SUCLG2: variants seen among roughly 807,000 people sequenced by gnomAD.
SUCLG2 encodes the protein succinate--CoA ligase [GDP-forming] subunit beta, mitochondrial.
SUCLG2 carries 42 observed loss-of-function variants against 47.9 expected under a neutral mutation model. That is an observed-to-expected ratio of 0.88 (90% confidence interval 0.69 to 1.14). The LOEUF is 1.14. Ranked by LOEUF, SUCLG2 falls within the 50% of genes most tolerant of loss-of-function variation. SUCLG2 has a pLI of 0.00. For missense variants in SUCLG2, 571 were observed against 525.9 expected, an observed-to-expected ratio of 1.09 and a Z score of -0.84; for synonymous variants, 195 against 197.3, an observed-to-expected ratio of 0.99 and a Z score of 0.10.
At chr3:67,552,750 T>C (rs1418228791) in intron 2 of SUCLG2, among the ~76,000 whole-genome samples, 1 of 152,354 alleles carries the variant, frequency 6.6e-6, no homozygotes, top group East Asian at 1.9e-4. Context: ...AATTCAAGGA[T>C]GCAATCTATG....
At chr3:67,459,020 T>A (rs1704259783) in intron 9 of SUCLG2, among the ~76,000 whole-genome samples, 1 of 152,140 alleles carries the variant, frequency 6.6e-6, no homozygotes, top group Non-Finnish European at 1.5e-5. Flanking sequence ...TGTTATGTGG[T>A]CAATCAAATC....
At chr3:67,472,518 G>A (rs1039930117) in intron 9 of SUCLG2, among the ~76,000 whole-genome samples, 1 of 152,100 alleles carries the variant, frequency 6.6e-6, no homozygotes, top group African/African-American at 2.4e-5. Context: ...TTACCCAACT[G>A]TCACTATTAC....
intron 9 of SUCLG2, among the ~76,000 whole-genome samples, chr3:67,448,203 G>A (rs1251959631): frequency 6.6e-6 from 1 of 151,986 alleles, no homozygotes; most frequent in Admixed American, 6.6e-5. Context: ...CATCAAGATG[G>A]GACTTGGTAA....
chr3:67,481,316 C>T (rs1421615960), intron 9 of SUCLG2, among the ~76,000 whole-genome samples: 1 of 152,212 alleles, frequency 6.6e-6, no homozygotes, highest in East Asian at 1.9e-4. Context: ...CACACACTTT[C>T]GAGCATTACT....
intron 10 of SUCLG2, among the ~76,000 whole-genome samples, chr3:67,393,491 G>A (rs1052062864): frequency 6.6e-5 from 10 of 152,220 alleles, no homozygotes; most frequent in South Asian, 2.1e-4. Context: ...CATGGCCCAG[G>A]CTTGCTTACG....
intron 9 of SUCLG2, among the ~76,000 whole-genome samples, chr3:67,480,923 G>A (rs1704897298): frequency 6.6e-6 from 1 of 152,154 alleles, no homozygotes; most frequent in African/African-American, 2.4e-5. Context: ...GAAGATTCAT[G>A]GAAAAGCAGG....
downstream of SUCLG2, among the ~76,000 whole-genome samples, chr3:67,373,972 A>G (rs2106753130): frequency 6.6e-6 from 1 of 152,358 alleles, no homozygotes; most frequent in Non-Finnish European, 1.5e-5. Flanking sequence ...CTTTTATGAA[A>G]TAATCACAAA....
intron 2 of SUCLG2, among the ~76,000 whole-genome samples, chr3:67,558,374 T>G (rs1020224987): frequency 2.7e-5 from 4 of 149,980 alleles, no homozygotes; most frequent in South Asian, 2.1e-4. Flanking sequence ...ACAGAGAAAA[T>G]TGAAATTTGA....
At chr3:67,560,568 T>C (rs546405940) in intron 2 of SUCLG2, among the ~76,000 whole-genome samples, 1 of 152,282 alleles carries the variant, frequency 6.6e-6, no homozygotes, top group South Asian at 2.1e-4. Flanking sequence ...CACAGCATTG[T>C]GGTGGGGGTT....
intron 1 of SUCLG2, among the ~76,000 whole-genome samples, chr3:67,647,326 C>T (rs771615025): frequency 9.2e-5 from 14 of 152,088 alleles, no homozygotes; most frequent in Non-Finnish European, 1.3e-4. Flanking sequence ...ATGGCTACTG[C>T]CTAAGTCCTA....
intron 9 of SUCLG2, among the ~76,000 whole-genome samples, chr3:67,402,127 G>A (rs565688137): frequency 7.6e-4 from 116 of 152,324 alleles, no homozygotes; most frequent in Non-Finnish European, 1.3e-3. Context: ...GACCTTGGTC[G>A]AGTTACAGAA....
chr3:67,397,558 T>C (rs1559510973), intron 10 of SUCLG2, among the ~76,000 whole-genome samples: 4 of 152,148 alleles, frequency 2.6e-5, no homozygotes, highest in Admixed American at 2.6e-4. Flanking sequence ...TGCTCATGGA[T>C]AGGAAGAATC....
At chr3:67,514,408 A>C (rs1705885326) in intron 6 of SUCLG2, 1 of 291,228 alleles carries the variant, frequency 3.4e-6, no homozygotes, top group African/African-American at 2.2e-5. Flanking sequence ...AAGAATTTTA[A>C]ATATTTTTCT....
At chr3:67,476,115 T>C (rs1704747741) in intron 9 of SUCLG2, among the ~76,000 whole-genome samples, 1 of 152,052 alleles carries the variant, frequency 6.6e-6, no homozygotes, top group South Asian at 2.1e-4. Flanking sequence ...TTTTATATGT[T>C]GATTCTGAGA....
chr3:67,489,875 C>T (rs1165109121), intron 9 of SUCLG2, among the ~76,000 whole-genome samples: 2 of 152,068 alleles, frequency 1.3e-5, no homozygotes, highest in African/African-American at 2.4e-5. Flanking sequence ...CTTGTAAATG[C>T]CTATGTTACA....
At chr3:67,509,152 A>C (rs1285688006) in intron 6 of SUCLG2, among the ~76,000 whole-genome samples, 1 of 152,192 alleles carries the variant, frequency 6.6e-6, no homozygotes, top group Non-Finnish European at 1.5e-5. Flanking sequence ...ACGGCCTAAA[A>C]CGTTGTTAAT....
At chr3:67,380,831 G>A (rs978929424) in intron 10 of SUCLG2, among the ~76,000 whole-genome samples, 4 of 152,230 alleles carry the variant, frequency 2.6e-5, no homozygotes, top group Admixed American at 6.5e-5. Flanking sequence ...AAATGAGTTT[G>A]CCAAGTGCCT....
rs868132090 is a variant in SUCLG2 at position 67,623,423 on chromosome 3, C to A, written c.85-13827G>T. ...GGCTGAGGCAGGAGAATGGCGCGAA[C>A]CCGAGAGGCGGTGCTTGCAGTGAGT... On this transcript the variant is annotated intron_variant, in intron 1 of 10. Transcript: ENST00000307227. Among the ~76,000 whole-genome samples, 32 of 152,202 alleles carry A rather than the reference C, an allele frequency of 2.1e-4. No homozygotes were observed. In the South Asian group the frequency reaches 6.0e-3, roughly 29 times the overall value.
At chr3:67,523,420 T>C (rs1222771104) in intron 4 of SUCLG2, among the ~76,000 whole-genome samples, 1 of 152,196 alleles carries the variant, frequency 6.6e-6, no homozygotes, top group African/African-American at 2.4e-5. Flanking sequence ...TTCAAGTTGG[T>C]TGTTCTCACC....
Sources: gnomAD v4.1 joint callset for allele counts (sites outside exome capture counted in the v4.1 genomes callset) on GRCh38, gnomAD v4.1.1 for gene constraint, MANE v1.5 for transcripts, NCBI Gene and HGNC (gene_info 2026-07-23, HGNC 2026-07-21) for gene names.